Variants in URI1 observed in about 807,000 individuals in gnomAD.
URI1 encodes URI1 prefoldin like chaperone.
In URI1, 39 loss-of-function variants were observed where a neutral mutation model predicts 60.2. That is an observed-to-expected ratio of 0.65 (90% CI 0.50 to 0.85). URI1 has a LOEUF of 0.85. Among genes scored for constraint, URI1 ranks in the 40% least tolerant of loss-of-function variants. URI1 has a pLI of 0.00. For synonymous variants in URI1, 251 were observed against 236.8 expected, an observed-to-expected ratio of 1.06 and a Z score of -0.55; for missense variants, 691 against 665.9, an observed-to-expected ratio of 1.04 and a Z score of -0.42.
At chr19:30,005,522 GCC>G in intron 5 of URI1, 70 bp downstream of exon 5, 1 of 1,489,494 alleles carries the variant, frequency 6.7e-7, no homozygotes, top group Non-Finnish European at 9.1e-7. Flanking sequence ...CTATCTTACA[GCC>G]AAGGAACAAA....
At chr19:29,999,029 A>C (rs890987844) in intron 4 of URI1, among the ~76,000 whole-genome samples, 1 of 152,052 alleles carries the variant, frequency 6.6e-6, no homozygotes, top group Non-Finnish European at 1.5e-5. Flanking sequence ...TATAAAATGT[A>C]TTTTGAATTT....
chr19:29,951,878 AC>A (rs1259052990), intron 1 of URI1, among the ~76,000 whole-genome samples: 1 of 151,910 alleles, frequency 6.6e-6, no homozygotes, highest in Non-Finnish European at 1.5e-5. Context: ...TTTGATCGTT[AC>A]CTTGCTTTCT....
Position 30,005,608 on chromosome 19 carries a change from A to G in URI1, c.460-43A>G, listed in dbSNP as rs768178633. 1.9e-6 allele frequency: 3 copies of G among 1,592,882 alleles called. No individual in the cohort carries two copies. In the African/African-American group the frequency reaches 4.1e-5, roughly 22 times the overall value. On this transcript the variant is annotated intron_variant, in intron 5 of 10. Transcript: ENST00000392271. The stretch of plus-strand genomic sequence containing the variant: ...TCTTTGGATAATTTTAGTATGCTGG[A>G]GATTTGTGTTGTTAATACGCTTTTT...
intron 1 of URI1, among the ~76,000 whole-genome samples, chr19:29,955,633 A>G (rs923902770): frequency 3.3e-5 from 5 of 149,852 alleles, no homozygotes; most frequent in Admixed American, 6.7e-5. Flanking sequence ...CTTCATTGCC[A>G]TTTTCCCAGT....
intron 1 of URI1, among the ~76,000 whole-genome samples, chr19:29,949,869 A>T (rs1283405700): frequency 6.6e-6 from 1 of 150,864 alleles, no homozygotes; most frequent in Non-Finnish European, 1.5e-5. Context: ...AGTACAGTCC[A>T]GCTTCGGCTT....
At chr19:30,004,514 T>C (rs187873164) in intron 4 of URI1, 2 of 152,086 alleles carry the variant, frequency 1.3e-5, no homozygotes, top group Admixed American at 1.3e-4. Context: ...ATTGAGTGCC[T>C]GTTGTAAAAC....
At chr19:29,990,900 T>G (rs2055738176) in intron 4 of URI1, among the ~76,000 whole-genome samples, 1 of 152,162 alleles carries the variant, frequency 6.6e-6, no homozygotes, top group African/African-American at 2.4e-5. Flanking sequence ...AAAAAACAAA[T>G]GAATGAGCCA....
At chr19:29,994,706 T>C (rs1407810425) in intron 4 of URI1, among the ~76,000 whole-genome samples, 2 of 152,184 alleles carry the variant, frequency 1.3e-5, no homozygotes, top group Non-Finnish European at 2.9e-5. Context: ...CAAATATTTA[T>C]TTAGTTCCCT....
chr19:29,994,500 ACATAAGTGGAAT>A (rs1480468331), intron 4 of URI1, among the ~76,000 whole-genome samples: 1 of 152,050 alleles, frequency 6.6e-6, no homozygotes, highest in Admixed American at 6.6e-5. Context: ...TAGATACCTT[ACATAAGTGGAAT>A]CCTACAGCAT....
chr19:30,015,595 T>C lies in URI1; in HGVS notation c.*526T>C. On this transcript the variant is annotated 3_prime_UTR_variant, in exon 11 of 11. Transcript: ENST00000392271. Reference sequence around the variant, plus strand: ...CCCCTCTGAATGTCATACTGTAATCTTTAAGGAAGAAAGCTACATGAATTA... The same window carrying C: ...CCCCTCTGAATGTCATACTGTAATCCTTAAGGAAGAAAGCTACATGAATTA... 3 of 1,528,376 alleles carry C rather than the reference T, an allele frequency of 2.0e-6. No homozygotes were observed. The highest frequency in any genetic ancestry group is 1.8e-6 in the Non-Finnish European group (2 of 1,142,598). 94.7% of individuals were successfully genotyped at this position (1,528,376 alleles called of 1,614,324 possible). A position where few individuals can be genotyped will look rare whatever the true frequency, so the allele number is the denominator to read the frequency against.
At chr19:29,978,616 A>G (rs2055554634) in intron 2 of URI1, among the ~76,000 whole-genome samples, 1 of 152,170 alleles carries the variant, frequency 6.6e-6, no homozygotes, top group Admixed American at 6.5e-5. Context: ...TCACTTGGTG[A>G]TAATCCTGAG....
At chr19:29,987,938 C>T (rs886065617) in intron 4 of URI1, among the ~76,000 whole-genome samples, 4 of 152,106 alleles carry the variant, frequency 2.6e-5, no homozygotes, top group Non-Finnish European at 5.9e-5. Flanking sequence ...GAGGACAAGG[C>T]AGGTGGATCA....
In URI1 at chr19:29,942,269, C is replaced by T. The variant is rs971939293; in HGVS notation, c.-279C>T. ...GGGAGGCGCGGCCGCCACGCGACGC[C>T]TGGCTGGGCCCGCACCGGAGAGGCG... On this transcript the variant is annotated 5_prime_UTR_variant, in exon 1 of 11. Transcript: ENST00000392271. 1.2e-5 allele frequency: 12 copies of T among 984,624 alleles called. 1 individual carries two copies. The highest frequency in any genetic ancestry group is 1.1e-4 in the East Asian group (1 of 8,792). 61.0% of individuals were successfully genotyped at this position (984,624 alleles called of 1,614,324 possible).
rs754569782 is a variant in URI1, at chr19:29,986,349, TG to T, written c.304del (p.Asp102ThrfsTer13). 3 of 1,611,436 alleles carry T rather than the reference TG, an allele frequency of 1.9e-6. No individual in the cohort carries two copies. Among genetic ancestry groups the T allele is most frequent in the East Asian group, 2.2e-5 (1 of 44,652 alleles). On this transcript the variant is annotated frameshift_variant, in exon 4 of 11. Transcript: ENST00000392271. LOFTEE classifies it high-confidence loss of function. ...CATACTAATGAAGTCACTGTTTTACTGGGGGACAACTGGTTTGCAAAGTGCT... is the reference window on the plus strand; with the variant it reads ...CATACTAATGAAGTCACTGTTTTACTGGGGACAACTGGTTTGCAAAGTGCT... ...LVHTNEVTVL[L>X]GDNWFAKCSA...
chr19:29,962,628 C>T (rs1438689280), intron 1 of URI1, among the ~76,000 whole-genome samples: 4 of 146,396 alleles, frequency 2.7e-5, no homozygotes, highest in Non-Finnish European at 6.0e-5. Context: ...TACCTTTACT[C>T]TTCAATTCTT....
intron 1 of URI1, among the ~76,000 whole-genome samples, chr19:29,958,671 T>C (rs911460579): frequency 2.6e-5 from 4 of 151,948 alleles, no homozygotes; most frequent in Non-Finnish European, 5.9e-5. Flanking sequence ...TTTTTTTGAT[T>C]AACTCTACCA....
chr19:29,992,728 A>G (rs2055762170), intron 4 of URI1, among the ~76,000 whole-genome samples: 1 of 152,226 alleles, frequency 6.6e-6, no homozygotes, highest in Non-Finnish European at 1.5e-5. Context: ...TGGCTTAGAA[A>G]GGAGTACATC....
At chr19:29,991,833 C>T (rs2055750716) in intron 4 of URI1, among the ~76,000 whole-genome samples, 1 of 151,986 alleles carries the variant, frequency 6.6e-6, no homozygotes, top group Non-Finnish European at 1.5e-5. Flanking sequence ...TGAATTTTGT[C>T]CAGTGTATTT....
intron 10 of URI1, 101 bp from the exon 11 acceptor site, chr19:30,014,785 GA>G (rs777790325): frequency 5.8e-5 from 70 of 1,216,514 alleles, no homozygotes; most frequent in Non-Finnish European, 7.8e-5. Flanking sequence ...AAAATCTCGT[GA>G]ATTTACTTTT....
Sources: allele counts gnomAD v4.1 joint callset (sites outside exome capture counted in the v4.1 genomes callset), GRCh38; gene constraint gnomAD v4.1.1; transcripts MANE v1.5; gene names NCBI Gene and HGNC (gene_info 2026-07-23, HGNC 2026-07-21).